Variants in TENM3 observed in about 807,000 individuals in gnomAD.
TENM3 encodes teneurin-3.
TENM3 carries 63 observed loss-of-function variants against 255.1 expected under a neutral mutation model. The ratio of observed to expected loss-of-function variants is 0.25; its 90% CI spans 0.20 to 0.30. TENM3 has a LOEUF of 0.30. Ranked by LOEUF, TENM3 falls within the 10% of genes least tolerant of loss-of-function variation. The pLI is 1.00. For missense variants in TENM3, 2,929 were observed against 3,461.1 expected (o/e 0.85, Z 3.86); for synonymous variants, 1,306 against 1,322.3 (o/e 0.99, Z 0.27).
In TENM3 at chr4:182,769,432, A is replaced by C. The variant is rs1160562878; in HGVS notation, c.4893-4040A>C. On this transcript the variant is annotated intron_variant, in intron 22 of 27. Coordinates refer to ENST00000511685, the MANE Select transcript of TENM3 (RefSeq NM_001080477.4). Reference sequence around the variant, plus strand: ...TTTTACTCGTCCGCACTGAAATGAAAAAAAAAAAAATGATGTGGAGAATGT... The same window carrying C: ...TTTTACTCGTCCGCACTGAAATGAACAAAAAAAAAATGATGTGGAGAATGT... 5.3e-5 allele frequency among the ~76,000 whole-genome samples: 8 copies of C among 151,882 alleles called. 1 individual carries two copies. Among genetic ancestry groups the C allele is most frequent in the Admixed American group, 5.2e-4 (8 of 15,264 alleles).
the TENM3 span, among the ~76,000 whole-genome samples, chr4:181,727,462 C>A: frequency 6.6e-6 from 1 of 152,104 alleles, no homozygotes. Context: ...GAGCTGAGAG[C>A]CAGGAATCAT....
the TENM3 span, among the ~76,000 whole-genome samples, chr4:181,803,640 A>T: frequency 6.6e-6 from 1 of 152,164 alleles, no homozygotes; most frequent in Non-Finnish European, 1.5e-5. Context: ...AGTAGTGAGC[A>T]TGGAGGTCAG....
chr4:182,132,990 G>A, the TENM3 span, among the ~76,000 whole-genome samples: 45 of 152,304 alleles, frequency 3.0e-4, no homozygotes, highest in Non-Finnish European at 4.9e-4. Context: ...TGGTGGGCAC[G>A]TTGTCTGCAA....
chr4:181,699,360 T>C, the TENM3 span, among the ~76,000 whole-genome samples: 1 of 144,454 alleles, frequency 6.9e-6, no homozygotes, highest in African/African-American at 2.5e-5. Flanking sequence ...AAGCTTGATC[T>C]TGAGCCCAGG....
rs10434297 is a variant in TENM3, at chr4:182,310,414, G to A, written c.-75-13532G>A. 2.4e-4 allele frequency among the ~76,000 whole-genome samples: 36 copies of A among 152,220 alleles called. No individual in the cohort carries two copies. In the East Asian group the frequency reaches 4.3e-3, roughly 18 times the overall value. On this transcript the variant is annotated intron_variant, in intron 1 of 27. Coordinates refer to ENST00000511685, the MANE Select transcript of TENM3 (RefSeq NM_001080477.4). ...TGAGGTCTGCTTCTTCTACGTAGAC[G>A]TCAGTGAGCAGGAGGCAGGCTTTCT...
At chr4:181,720,492 A>C in the TENM3 span, among the ~76,000 whole-genome samples, 1 of 152,206 alleles carries the variant, frequency 6.6e-6, no homozygotes, top group Non-Finnish European at 1.5e-5. Flanking sequence ...AAGTATTTAT[A>C]CAGGGCATTC....
At chr4:182,637,894 G>A (rs1351479919) in intron 5 of TENM3, among the ~76,000 whole-genome samples, 1 of 152,204 alleles carries the variant, frequency 6.6e-6, no homozygotes, top group East Asian at 1.9e-4. Flanking sequence ...GAGATTATGT[G>A]TTTTGACAAA....
At chr4:181,527,408 AC>A in the TENM3 span, among the ~76,000 whole-genome samples, 10 of 151,990 alleles carry the variant, frequency 6.6e-5, no homozygotes, top group Non-Finnish European at 1.2e-4. Flanking sequence ...TCGCTTTGTC[AC>A]CCAGGCTGGA....
the TENM3 span, among the ~76,000 whole-genome samples, chr4:181,930,579 A>G: frequency 1.3e-5 from 2 of 152,192 alleles, no homozygotes; most frequent in Non-Finnish European, 2.9e-5. Context: ...GCCGAATTCT[A>G]CCAGAGGTAC....
At chr4:182,718,084 CCTT>C (rs1453001493) in intron 13 of TENM3, among the ~76,000 whole-genome samples, 3 of 152,082 alleles carry the variant, frequency 2.0e-5, no homozygotes, top group Non-Finnish European at 2.9e-5. Context: ...AACAGGAAAA[CCTT>C]CTCCTTTTTG....
chr4:182,684,399 A>G (rs1173544787), intron 11 of TENM3, among the ~76,000 whole-genome samples: 1 of 112,320 alleles, frequency 8.9e-6, no homozygotes, highest in Non-Finnish European at 1.7e-5. Context: ...GAACTCAGAC[A>G]CTGAACTGCC....
chr4:181,648,194 A>G, the TENM3 span, among the ~76,000 whole-genome samples: 31 of 152,206 alleles, frequency 2.0e-4, no homozygotes, highest in Admixed American at 9.8e-4. Context: ...GGTAATTATT[A>G]TGTCCGCACG....
At chr4:182,350,532 C>T (rs866967843) in intron 3 of TENM3, among the ~76,000 whole-genome samples, 7 of 152,140 alleles carry the variant, frequency 4.6e-5, no homozygotes, top group African/African-American at 1.7e-4. Flanking sequence ...TCTGGAGAGA[C>T]GGTGATTTGG....
the TENM3 span, among the ~76,000 whole-genome samples, chr4:181,611,998 T>C: frequency 3.9e-5 from 6 of 152,262 alleles, no homozygotes; most frequent in African/African-American, 1.4e-4. Context: ...TACTTAGTTC[T>C]TGTTGCAAAA....
the TENM3 span, among the ~76,000 whole-genome samples, chr4:181,600,256 C>T: frequency 6.6e-6 from 1 of 152,186 alleles, no homozygotes; most frequent in African/African-American, 2.4e-5. Flanking sequence ...TTTGCTATTG[C>T]ACAGAATGCT....
chr4:181,582,709 A>G, the TENM3 span, among the ~76,000 whole-genome samples: 1 of 150,790 alleles, frequency 6.6e-6, no homozygotes, highest in Non-Finnish European at 1.5e-5. Context: ...AGAAAAGAAA[A>G]CTCCTTTGCG....
chr4:181,698,014 A>G, the TENM3 span, among the ~76,000 whole-genome samples: 1 of 151,906 alleles, frequency 6.6e-6, no homozygotes, highest in Non-Finnish European at 1.5e-5. Context: ...GGAGTTTGAG[A>G]CCGGCCTGGC....
the TENM3 span, among the ~76,000 whole-genome samples, chr4:182,017,969 G>T: frequency 6.6e-6 from 1 of 152,166 alleles, no homozygotes; most frequent in African/African-American, 2.4e-5. Context: ...GATATTATAT[G>T]CAATGATAAT....
rs113467219 is a variant in TENM3 at position 182,766,283 on chromosome 4, C to G, written c.4893-7189C>G. On this transcript the variant is annotated intron_variant, in intron 22 of 27. Transcript: ENST00000511685. ...GAGCAAAAATTTTCCTCGCCATCAGCTGTCTAGGAGGTCTCCATTTCAAGA... is the reference window on the plus strand; with the variant it reads ...GAGCAAAAATTTTCCTCGCCATCAGGTGTCTAGGAGGTCTCCATTTCAAGA... 2.3e-3 allele frequency among the ~76,000 whole-genome samples: 355 copies of G among 152,220 alleles called. 3 individuals carry two copies. The highest frequency in any genetic ancestry group is 8.0e-3 in the African/African-American group (333 of 41,538).
Sources: allele counts gnomAD v4.1 joint callset (sites outside exome capture counted in the v4.1 genomes callset), GRCh38; gene constraint gnomAD v4.1.1; transcripts MANE v1.5; gene names NCBI Gene and HGNC (gene_info 2026-07-23, HGNC 2026-07-21).